The following CTNNAL1 variants were observed in gnomAD, a reference collection of about 807,000 sequenced individuals.
CTNNAL1 encodes catenin alpha like 1.
In CTNNAL1, 69 loss-of-function variants were observed where a neutral mutation model predicts 93.6. The observed-to-expected ratio is 0.74, with a 90% confidence interval of 0.61 to 0.90. The LOEUF is 0.90. Among genes scored for constraint, CTNNAL1 ranks in the 40% least tolerant of loss-of-function variants. The pLI, the probability that CTNNAL1 is intolerant of heterozygous loss-of-function variation, is 0.00. For missense variants in CTNNAL1, 836 were observed against 862.0 expected (o/e 0.97, Z 0.38); for synonymous variants, 286 against 305.4 (o/e 0.94, Z 0.66).
At chr9:108,997,993 C>G (rs943232128) in intron 2 of CTNNAL1, among the ~76,000 whole-genome samples, 17 of 152,210 alleles carry the variant, frequency 1.1e-4, no homozygotes, top group African/African-American at 4.1e-4. Context: ...CAAAATCTCC[C>G]ACTAATCCCT....
intron 14 of CTNNAL1, among the ~76,000 whole-genome samples, chr9:108,949,528 C>T (rs1564120996): frequency 6.6e-6 from 1 of 152,094 alleles, no homozygotes; most frequent in South Asian, 2.1e-4. Flanking sequence ...GCTAACACAG[C>T]GAAACGCTAT....
chr9:108,972,694 T>C lies in CTNNAL1; in HGVS notation c.1328A>G (p.Gln443Arg). ...ACTCACCTCAACAAGCTGCTCTTTC[T>C]GTTCAGAGAGTTTACAGGCATATTC... Reference protein sequence around the residue: ...LAEYACKLSEQKEQLVETCRL... With the variant: ...LAEYACKLSERKEQLVETCRL... The change falls in exon 9 of 19, where the codon CAG (glutamine) becomes CGG (arginine). Residue 443 changes from glutamine (Q) to arginine (R), a missense_variant. Physicochemically the swap from Gln to Arg is conservative, Grantham distance 43 (BLOSUM62 1). Transcript: ENST00000325551. The C allele has an allele frequency of 6.2e-7, 1 of 1,612,730 alleles. No homozygotes were observed. The highest frequency in any genetic ancestry group is 2.2e-5 in the East Asian group (1 of 44,876).
chr9:108,960,342 T>C (rs1372836957), intron 11 of CTNNAL1, among the ~76,000 whole-genome samples: 1 of 152,142 alleles, frequency 6.6e-6, no homozygotes, highest in Non-Finnish European at 1.5e-5. Context: ...ATCACCCTAG[T>C]ATAGACCATC....
intron 17 of CTNNAL1, 61 bp from the exon 18 acceptor site, chr9:108,943,105 T>C (rs1040273945): frequency 2.1e-6 from 3 of 1,405,880 alleles, no homozygotes; most frequent in Non-Finnish European, 2.9e-6. Context: ...GACCTTACCA[T>C]TTATTTAGTT....
chr9:109,005,064 G>C (rs528489967), intron 1 of CTNNAL1, among the ~76,000 whole-genome samples: 4 of 151,934 alleles, frequency 2.6e-5, no homozygotes, highest in African/African-American at 9.7e-5. Context: ...TTTTACTGGA[G>C]GTTTACAATC....
chr9:108,943,782 T>G lies in CTNNAL1; in HGVS notation c.1976A>C (p.Glu659Ala). Residue 659 changes from glutamate to alanine, a missense_variant, in exon 17 of 19, where the codon GAA becomes GCA. By Grantham distance (107) the Glu-to-Ala change is moderately radical. Coordinates refer to ENST00000325551, the MANE Select transcript of CTNNAL1 (RefSeq NM_003798.4). ...GCATAGAGGAATTAGCTTGTTTATT[T>G]CCAGGAGAAGCATAAGCTTGTCATC... ...KDDDKLMLLL[E>A]INKLIPLCHQ... is the part of the protein sequence containing the mutation. 2 of 1,613,852 alleles carry G rather than the reference T, an allele frequency of 1.2e-6. No homozygotes were observed. Among genetic ancestry groups the G allele is most frequent in the Non-Finnish European group, 1.7e-6 (2 of 1,179,896 alleles).
At position 109,013,463 on chromosome 9, in the gene CTNNAL1, G is replaced by C. The variant is rs1444613139; in HGVS notation, c.-21C>G. 5 of 1,366,462 alleles carry C rather than the reference G, an allele frequency of 3.7e-6. No individual in the cohort carries two copies. The African/African-American group carries it at 7.7e-5, about 21-fold the overall frequency. The allele number at this position is 1,366,462 out of a possible 1,614,324, so 84.6% of individuals were successfully genotyped here. On this transcript the variant is annotated 5_prime_UTR_variant, in exon 1 of 19. Transcript: ENST00000325551. ...GCCATGGCCCTCGGTCTATCCCGCAGCCGGGACTCCGCGCCGCGGCGAGCC... is the reference window on the plus strand; with the variant it reads ...GCCATGGCCCTCGGTCTATCCCGCACCCGGGACTCCGCGCCGCGGCGAGCC...
At chr9:108,946,764 G>A (rs1488977119) in intron 15 of CTNNAL1, among the ~76,000 whole-genome samples, 1 of 152,168 alleles carries the variant, frequency 6.6e-6, no homozygotes, top group African/African-American at 2.4e-5. Context: ...TTTGTTGAAT[G>A]AAGTATGCAA....
intron 9 of CTNNAL1, 86 bp downstream of exon 9, chr9:108,972,589 C>G: frequency 8.4e-7 from 1 of 1,191,424 alleles, no homozygotes; most frequent in East Asian, 2.4e-5. Flanking sequence ...ATAAATTAAC[C>G]CAAAACTGTA....
In CTNNAL1 at chr9:108,942,612, G is replaced by A. The variant is rs1330318975; in HGVS notation, c.*157C>T. The A allele has an allele frequency of 3.4e-6, 2 of 595,154 alleles. No individual in the cohort carries two copies. The highest frequency in any genetic ancestry group is 5.9e-6 in the Non-Finnish European group (2 of 340,606). The allele number at this position is 595,154 out of a possible 1,614,324, so 36.9% of individuals were successfully genotyped here. On this transcript the variant is annotated 3_prime_UTR_variant, in exon 19 of 19. Coordinates refer to ENST00000325551, the MANE Select transcript of CTNNAL1 (RefSeq NM_003798.4). Reference sequence around the variant, plus strand: ...CAAGACATTTATTAGTTGTCAAAAAGCTTTACAATCAGTTTCATGATCAGA... The same window carrying A: ...CAAGACATTTATTAGTTGTCAAAAAACTTTACAATCAGTTTCATGATCAGA...
chr9:108,944,004 C>G lies in CTNNAL1; in HGVS notation c.1899G>C (p.Glu633Asp), dbSNP rs1449045231. The G allele has an allele frequency of 1.2e-6, 2 of 1,613,648 alleles. No homozygotes were observed. The highest frequency in any genetic ancestry group is 1.7e-5 in the Admixed American group (1 of 59,958). ...GAACACTGGAAGTAAGCTTTAAACC[C>G]TCTGCAGCAAAAACCTGGTAGAAAG... ...LIHQLEVFAA[E>D]GLKLTSSVQA... Residue 633 changes from glutamate to aspartate, a missense_variant, in exon 16 of 19, where the codon GAG (glutamate) becomes GAC (aspartate). Coordinates refer to ENST00000325551, the MANE Select transcript of CTNNAL1 (RefSeq NM_003798.4).
chr9:108,992,758 C>G lies in CTNNAL1; in HGVS notation c.393G>C (p.Gln131His). ...TNLNHLESDG[Q>H]ITIFTDKTGV... ...CTGTTTTGTCTGTAAAAATTGTGAT[C>G]TGCCCATCAGATTCCAGATGGTTCA... Residue 131 changes from glutamine to histidine, a missense_variant, in exon 3 of 19, where the codon CAG becomes CAC. Transcript: ENST00000325551. 6.2e-7 allele frequency: 1 copy of G among 1,613,978 alleles called. No individual in the cohort carries two copies. The highest frequency in any genetic ancestry group is 8.5e-7 in the Non-Finnish European group (1 of 1,179,940).
intron 1 of CTNNAL1, among the ~76,000 whole-genome samples, chr9:109,005,201 A>G (rs1339307500): frequency 2.6e-5 from 4 of 152,128 alleles, no homozygotes; most frequent in South Asian, 2.1e-4. Flanking sequence ...AACAAATCCT[A>G]CTGGCACCAG....
intron 2 of CTNNAL1, among the ~76,000 whole-genome samples, chr9:108,997,128 C>A (rs562150168): frequency 1.3e-5 from 2 of 152,120 alleles, no homozygotes; most frequent in Admixed American, 1.3e-4. Flanking sequence ...AAGGATATCC[C>A]CCCCTGCTTC....
At chr9:108,965,646 T>G (rs538979912) in intron 10 of CTNNAL1, 118 bp from the exon 11 acceptor site, 1 of 491,034 alleles carries the variant, frequency 2.0e-6, no homozygotes, top group Admixed American at 4.3e-5. Context: ...AACTATGAAG[T>G]AATTTCTATA....
chr9:108,992,329 T>C (rs765994817), intron 3 of CTNNAL1, among the ~76,000 whole-genome samples: 4 of 152,036 alleles, frequency 2.6e-5, no homozygotes, highest in Middle Eastern at 3.4e-3. Flanking sequence ...GACAGAGTTA[T>C]AAACAATTAT....
At chr9:108,988,125 C>T (rs1831672771) in intron 4 of CTNNAL1, among the ~76,000 whole-genome samples, 1 of 152,196 alleles carries the variant, frequency 6.6e-6, no homozygotes, top group South Asian at 2.1e-4. Context: ...CCTCCCTTGC[C>T]CAGGCTGGAG....
At chr9:108,995,318 ATTT>A in intron 2 of CTNNAL1, among the ~76,000 whole-genome samples, 1 of 152,218 alleles carries the variant, frequency 6.6e-6, no homozygotes, top group South Asian at 2.1e-4. Context: ...GAAAATGTTA[ATTT>A]TTTTCTACAC....
rs1409425847 is a variant in CTNNAL1, at chr9:108,943,688, A to G, written c.2055+15T>C. The G allele has an allele frequency of 6.3e-7, 1 of 1,595,298 alleles. No individual in the cohort carries two copies. Among genetic ancestry groups the G allele is most frequent in the Non-Finnish European group, 8.5e-7 (1 of 1,172,744 alleles). On this transcript the variant is annotated intron_variant, in intron 17 of 18. Coordinates refer to ENST00000325551, the MANE Select transcript of CTNNAL1 (RefSeq NM_003798.4). ...AAAGATAGATGTGTGAAAGTTTTTC[A>G]TATGTCTCTTTTACCTTTAGAAATA... is the stretch of plus-strand genomic sequence containing the variant.
Sources: gnomAD v4.1 joint callset for allele counts (sites outside exome capture counted in the v4.1 genomes callset) on GRCh38, gnomAD v4.1.1 for gene constraint, MANE v1.5 for transcripts, NCBI Gene and HGNC (gene_info 2026-07-23, HGNC 2026-07-21) for gene names.